The following TTLL5 variants were observed in gnomAD, a reference collection of about 807,000 sequenced individuals.
The protein encoded by TTLL5 is tubulin tyrosine ligase like 5, also known as tubulin polyglutamylase TTLL5.
In TTLL5, 132 loss-of-function variants were observed where a neutral mutation model predicts 168.4. The ratio of observed to expected loss-of-function variants is 0.78; its 90% CI spans 0.68 to 0.91. The LOEUF (loss-of-function observed/expected upper bound fraction) is 0.91. Among genes scored for constraint, TTLL5 ranks in the 40% least tolerant of loss-of-function variants. The probability of loss-of-function intolerance (pLI) is 0.00; values close to 1 mark genes in which losing one functional copy is unlikely to be tolerated. For synonymous variants in TTLL5, 546 were observed against 558.6 expected, an observed-to-expected ratio of 0.98 and a Z score of 0.32; for missense variants, 1,545 against 1,581.5, an observed-to-expected ratio of 0.98 and a Z score of 0.39.
chr14:75,767,807 G>A (rs764871257), intron 20 of TTLL5, among the ~76,000 whole-genome samples: 1 of 152,188 alleles, frequency 6.6e-6, no homozygotes, highest in South Asian at 2.1e-4. Context: ...TGTTAGAATT[G>A]TCCAGAGCCA....
At chr14:75,784,822 C>T (rs1892270340) in intron 26 of TTLL5, among the ~76,000 whole-genome samples, 1 of 152,158 alleles carries the variant, frequency 6.6e-6, no homozygotes, top group Admixed American at 6.5e-5. Flanking sequence ...TTATGATTTG[C>T]ATTTCCCTAA....
intron 3 of TTLL5, among the ~76,000 whole-genome samples, chr14:75,676,342 T>G (rs1884155081): frequency 6.6e-6 from 1 of 152,216 alleles, no homozygotes; most frequent in Admixed American, 6.5e-5. Context: ...TTTATATGAA[T>G]TTTTCCAATT....
At chr14:75,747,560 T>C (rs1488394213) in intron 17 of TTLL5, among the ~76,000 whole-genome samples, 1 of 152,080 alleles carries the variant, frequency 6.6e-6, no homozygotes, top group Non-Finnish European at 1.5e-5. Flanking sequence ...GGTCAGGCAC[T>C]TAAGTTACTT....
chr14:75,807,066 C>T (rs958475926), intron 27 of TTLL5, among the ~76,000 whole-genome samples: 1 of 152,158 alleles, frequency 6.6e-6, no homozygotes, highest in Non-Finnish European at 1.5e-5. Flanking sequence ...TCACCTAGCG[C>T]AAGGCCTTTC....
At chr14:75,854,584 G>T (rs1001091539) in intron 28 of TTLL5, among the ~76,000 whole-genome samples, 1 of 152,120 alleles carries the variant, frequency 6.6e-6, no homozygotes, top group African/African-American at 2.4e-5. Flanking sequence ...ATAAGAAACT[G>T]ACCAGTAGTT....
chr14:75,701,284 A>C (rs766710991), intron 7 of TTLL5, among the ~76,000 whole-genome samples: 2 of 152,074 alleles, frequency 1.3e-5, no homozygotes, highest in Non-Finnish European at 2.9e-5. Context: ...TCTGTCCTTT[A>C]ATTTTATTGG....
chr14:75,798,971 G>A (rs963383604), intron 27 of TTLL5, among the ~76,000 whole-genome samples: 7 of 152,096 alleles, frequency 4.6e-5, no homozygotes, highest in Non-Finnish European at 8.8e-5. Flanking sequence ...GTAAATATCC[G>A]TTAACTCCAT....
chr14:75,930,816 AT>A (rs1486770406), intron 31 of TTLL5, among the ~76,000 whole-genome samples: 1 of 152,212 alleles, frequency 6.6e-6, no homozygotes, highest in Non-Finnish European at 1.5e-5. Flanking sequence ...GCTATGATAA[AT>A]CTTTTGAGAA....
At chr14:75,759,696 C>T (rs980250354) in intron 18 of TTLL5, among the ~76,000 whole-genome samples, 1 of 151,950 alleles carries the variant, frequency 6.6e-6, no homozygotes, top group African/African-American at 2.4e-5. Flanking sequence ...GAGATTTTCC[C>T]CAGTATTGCA....
At chr14:75,790,749 G>A (rs1237429539) in intron 26 of TTLL5, among the ~76,000 whole-genome samples, 2 of 151,340 alleles carry the variant, frequency 1.3e-5, no homozygotes, top group East Asian at 2.0e-4. Context: ...ACAGGTGTGA[G>A]CCACCATTCC....
Position 75,954,451 on chromosome 14 carries a change from C to T in TTLL5, c.*5C>T. ...CCTGCTCACACTAAAATATGAACCA[C>T]AAACACACAGAGAAACAACCTGTTC... On this transcript the variant is annotated 3_prime_UTR_variant, in exon 32 of 32. Transcript: ENST00000298832. 1.2e-6 allele frequency: 2 copies of T among 1,613,986 alleles called. No individual in the cohort carries two copies. Among genetic ancestry groups the T allele is most frequent in the Non-Finnish European group, 1.7e-6 (2 of 1,179,972 alleles).
intron 26 of TTLL5, among the ~76,000 whole-genome samples, chr14:75,784,637 T>C (rs1218939604): frequency 6.6e-6 from 1 of 152,256 alleles, no homozygotes; most frequent in East Asian, 1.9e-4. Flanking sequence ...TGATAACTTT[T>C]TGTATTTCCT....
chr14:75,888,038 A>G (rs1315697932), intron 30 of TTLL5, among the ~76,000 whole-genome samples: 2 of 152,202 alleles, frequency 1.3e-5, no homozygotes, highest in African/African-American at 2.4e-5. Flanking sequence ...ACTGCAGACA[A>G]TAATACCCTC....
chr14:75,795,670 A>C (rs924803811), intron 27 of TTLL5, among the ~76,000 whole-genome samples: 3 of 152,160 alleles, frequency 2.0e-5, no homozygotes, highest in African/African-American at 7.2e-5. Flanking sequence ...GTGAGAACAT[A>C]TGATGTCTGG....
At chr14:75,661,868 G>GT (rs372509490) in intron 1 of TTLL5, among the ~76,000 whole-genome samples, 2,242 of 147,798 alleles carry the variant, frequency 0.015, 21 homozygotes, top group South Asian at 0.038. Flanking sequence ...ATCGGGGTCT[G>GT]TTTTTTTTTT....
chr14:75,716,388 G>GT (rs1442024010), intron 9 of TTLL5, among the ~76,000 whole-genome samples: 2 of 151,880 alleles, frequency 1.3e-5, no homozygotes, highest in East Asian at 1.9e-4. Context: ...TGGGTTTGGG[G>GT]TTTTTTTTCT....
intron 17 of TTLL5, among the ~76,000 whole-genome samples, chr14:75,750,826 G>A (rs1351586565): frequency 6.6e-6 from 1 of 151,980 alleles, no homozygotes; most frequent in African/African-American, 2.4e-5. Context: ...ATAAAATAGA[G>A]CAGTTAAAAC....
intron 30 of TTLL5, among the ~76,000 whole-genome samples, chr14:75,885,053 T>TA (rs1262531006): frequency 4.0e-5 from 6 of 150,228 alleles, no homozygotes. Context: ...GGCACCCGAG[T>TA]GGTACCAGCT....
At chr14:75,890,417 A>G (rs2032342768) in intron 30 of TTLL5, among the ~76,000 whole-genome samples, 1 of 152,236 alleles carries the variant, frequency 6.6e-6, no homozygotes, top group East Asian at 1.9e-4. Flanking sequence ...TGCCAGAAGA[A>G]TAAGAGCAGT....
Sources: gnomAD v4.1 joint callset for allele counts (sites outside exome capture counted in the v4.1 genomes callset) on GRCh38, gnomAD v4.1.1 for gene constraint, MANE v1.5 for transcripts, NCBI Gene and HGNC (gene_info 2026-07-23, HGNC 2026-07-21) for gene names.